Variants in ZSWIM9 observed in about 807,000 individuals in gnomAD.
ZSWIM9 encodes uncharacterized protein ZSWIM9.
Under a neutral mutation model 25.0 loss-of-function variants are expected in ZSWIM9, and 11 were observed. That is an observed-to-expected ratio of 0.44 (90% CI 0.28 to 0.73). ZSWIM9 has a LOEUF of 0.73. Among genes scored for constraint, ZSWIM9 ranks in the 30% least tolerant of loss-of-function variants. The probability of loss-of-function intolerance (pLI) is 0.16; values close to 1 mark genes in which losing one functional copy is unlikely to be tolerated. For missense variants in ZSWIM9, 1,070 were observed against 1,296.5 expected (o/e 0.83, Z 2.68); for synonymous variants, 562 against 582.1 (o/e 0.97, Z 0.50).
In ZSWIM9 at chr19:48,197,530, G is replaced by A. The variant is rs532631072; in HGVS notation, c.*703G>A. The A allele has an allele frequency of 5.9e-5, 30 of 510,534 alleles. No homozygotes were observed. The highest frequency in any genetic ancestry group is 2.3e-4 in the Admixed American group (7 of 30,208). 31.6% of individuals were successfully genotyped at this position (510,534 alleles called of 1,614,324 possible). On this transcript the variant is annotated 3_prime_UTR_variant, in exon 4 of 4. Coordinates refer to ENST00000614654, the MANE Select transcript of ZSWIM9 (RefSeq NM_199341.4). Reference sequence around the variant, plus strand: ...CGCCTTCTGAAGAGAGAGGGAGGGCGGGCACTGGGGGTCAGGAGAGTCTCC... The same window carrying A: ...CGCCTTCTGAAGAGAGAGGGAGGGCAGGCACTGGGGGTCAGGAGAGTCTCC...
rs1053042624 is a variant in ZSWIM9 at position 48,197,496 on chromosome 19, G to A, written c.*669G>A. On this transcript the variant is annotated 3_prime_UTR_variant, in exon 4 of 4. Coordinates refer to ENST00000614654, the MANE Select transcript of ZSWIM9 (RefSeq NM_199341.4). ...TTTTTCTCCAAGACCTGGAGACATC[G>A]ACCCCCATCGCCTTCTGAAGAGAGA... 1.8e-4 allele frequency: 101 copies of A among 565,216 alleles called. 2 individuals are homozygous for A. The East Asian group carries it at 2.5e-3, about 14-fold the overall frequency. 35.0% of individuals were successfully genotyped at this position (565,216 alleles called of 1,614,324 possible). A position where few individuals can be genotyped will look rare whatever the true frequency, so the allele number is the denominator to read the frequency against.
At position 48,195,779 on chromosome 19, in the gene ZSWIM9, T is replaced by A; in HGVS notation, c.1715T>A (p.Leu572Gln). The change falls in exon 4 of 4, where the codon CTG becomes CAG. Residue 572 changes from leucine to glutamine, a missense_variant. By Grantham distance (113) the Leu-to-Gln change is moderately radical. This residue lies in a region of ZSWIM9 where 583 missense variants were observed against 624.7 expected (regional missense o/e 0.93). Coordinates refer to ENST00000614654, the MANE Select transcript of ZSWIM9 (RefSeq NM_199341.4). This position sits in a 1 kb window ranked among gnomAD's most constrained non-coding sequence, Gnocchi z 5.8. ...TTGGAGGGTGAGAAAGATTGGGGACTGGAAGGTTATGTCTGGAGGGGGTCC... is the reference window on the plus strand; with the variant it reads ...TTGGAGGGTGAGAAAGATTGGGGACAGGAAGGTTATGTCTGGAGGGGGTCC... ...PQLEGEKDWGLEGYVWRGSQL... is the reference protein window; with the variant it reads ...PQLEGEKDWGQEGYVWRGSQL... 6.7e-7 allele frequency: 1 copy of A among 1,498,230 alleles called. No homozygotes were observed. Among genetic ancestry groups the A allele is most frequent in the Non-Finnish European group, 8.8e-7 (1 of 1,129,978 alleles). 92.8% of individuals were successfully genotyped at this position (1,498,230 alleles called of 1,614,324 possible). A position where few individuals can be genotyped will look rare whatever the true frequency, so the allele number is the denominator to read the frequency against.
In ZSWIM9 at chr19:48,196,717, G is replaced by A. The variant is rs2037171596; in HGVS notation, c.2653G>A (p.Ala885Thr). The A allele has an allele frequency of 4.9e-6, 6 of 1,232,834 alleles. No individual in the cohort carries two copies. The highest frequency in any genetic ancestry group is 3.0e-6 in the Non-Finnish European group (3 of 988,642). The allele number at this position is 1,232,834 out of a possible 1,614,324, so 76.4% of individuals were successfully genotyped here. The change falls in exon 4 of 4, where the codon GCC becomes ACC. Residue 885 changes from alanine to threonine, a missense_variant. Transcript: ENST00000614654. ...ACGCTGCAGCTGCTCAATTCACGCC[G>A]CCCGCCGTCTGCCCTGCAGACACCT... is the stretch of plus-strand genomic sequence containing the variant. ...LTRCSCSIHA[A>T]RRLPCRHLFA... is the part of the protein sequence containing the mutation.
At chr19:48,187,574 T>TAATATA (rs1255665030) in intron 3 of ZSWIM9, 3 of 59,948 alleles carry the variant, frequency 5.0e-5, no homozygotes, top group East Asian at 6.7e-4. Flanking sequence ...TAATATTATA[T>TAATATA]ATATTATATA....
At position 48,197,593 on chromosome 19, in the gene ZSWIM9, G is replaced by A. The variant is rs546357317; in HGVS notation, c.*766G>A. ...GAATTGTTTGGACTATTGTTCTTCA[G>A]GATTGGAATAAAACAATCTTATTTT... On this transcript the variant is annotated 3_prime_UTR_variant, in exon 4 of 4. Coordinates refer to ENST00000614654, the MANE Select transcript of ZSWIM9 (RefSeq NM_199341.4). 2.9e-6 allele frequency: 1 copy of A among 344,896 alleles called. No homozygotes were observed. Among genetic ancestry groups the A allele is most frequent in the East Asian group, 5.4e-5 (1 of 18,510 alleles). The allele number at this position is 344,896 out of a possible 1,614,324, so 21.4% of individuals were successfully genotyped here. A position where few individuals can be genotyped will look rare whatever the true frequency, so the allele number is the denominator to read the frequency against.
intron 1 of ZSWIM9, chr19:48,171,374 G>A (rs1269371559): frequency 1.0e-6 from 1 of 985,286 alleles, no homozygotes; most frequent in Non-Finnish European, 1.2e-6. Flanking sequence ...AGATGAATAC[G>A]AGAGTTAGAA....
Position 48,182,177 on chromosome 19 carries a change from T to C in ZSWIM9, c.276-278T>C, listed in dbSNP as rs908740969. 2 of 460,934 alleles carry C rather than the reference T, an allele frequency of 4.3e-6. No individual in the cohort carries two copies. Among genetic ancestry groups the C allele is most frequent in the Non-Finnish European group, 7.7e-6 (2 of 261,272 alleles). The allele number at this position is 460,934 out of a possible 1,614,324, so 28.6% of individuals were successfully genotyped here. Reference sequence around the variant, plus strand: ...TTACTGCTTGCCATATTCCAGACACTGTGTAGGTGCTTTACCTATATTAAC... The same window carrying C: ...TTACTGCTTGCCATATTCCAGACACCGTGTAGGTGCTTTACCTATATTAAC... On this transcript the variant is annotated intron_variant, in intron 2 of 3. Coordinates refer to ENST00000614654, the MANE Select transcript of ZSWIM9 (RefSeq NM_199341.4). This position sits in a 1 kb window ranked among gnomAD's most constrained non-coding sequence, Gnocchi z 4.6.
At chr19:48,187,985 T>TAGATAGATAGATAGATAGATAGAC (rs1555787428) in intron 3 of ZSWIM9, among the ~76,000 whole-genome samples, 9 of 146,272 alleles carry the variant, frequency 6.2e-5, no homozygotes, top group African/African-American at 2.3e-4. Context: ...GATAGATAGA[T>TAGATAGATAGATAGATAGATAGAC]AGACAGACAG....
intron 3 of ZSWIM9, among the ~76,000 whole-genome samples, chr19:48,192,449 C>CAAAAAA (rs57895777): frequency 1.1e-4 from 1 of 9,222 alleles, no homozygotes; most frequent in Non-Finnish European, 1.9e-4. Flanking sequence ...GACTCTGTCT[C>CAAAAAA]AAAAAAAAAA....
In ZSWIM9 at chr19:48,171,708, G is replaced by A. The variant is rs1483169198; in HGVS notation, c.-9-86G>A. Reference sequence around the variant, plus strand: ...CACCTCGATAGAGGCACCAGCAACCGACGGGGCAGGCCAAGAATGGAGTAG... The same window carrying A: ...CACCTCGATAGAGGCACCAGCAACCAACGGGGCAGGCCAAGAATGGAGTAG... On this transcript the variant is annotated intron_variant, in intron 1 of 3. Coordinates refer to ENST00000614654, the MANE Select transcript of ZSWIM9 (RefSeq NM_199341.4). 3.7e-6 allele frequency: 5 copies of A among 1,342,286 alleles called. No homozygotes were observed. In the East Asian group the frequency reaches 7.6e-5, roughly 20 times the overall value. The allele number at this position is 1,342,286 out of a possible 1,614,324, so 83.1% of individuals were successfully genotyped here. A position where few individuals can be genotyped will look rare whatever the true frequency, so the allele number is the denominator to read the frequency against.
intron 3 of ZSWIM9, chr19:48,183,038 C>A (rs1009752805): frequency 1.1e-5 from 5 of 458,336 alleles, no homozygotes; most frequent in East Asian, 3.9e-5. Context: ...TGATTCTGCA[C>A]CCCCAGCCAC....
chr19:48,180,825 T>C (rs1289358287), intron 2 of ZSWIM9: 1 of 149,856 alleles, frequency 6.7e-6, no homozygotes, highest in Non-Finnish European at 1.5e-5. Flanking sequence ...TAGTGCGATC[T>C]CGGCTCACTG....
intron 3 of ZSWIM9, among the ~76,000 whole-genome samples, chr19:48,192,782 T>C (rs1261229891): frequency 1.3e-5 from 2 of 151,800 alleles, no homozygotes; most frequent in Non-Finnish European, 2.9e-5. Context: ...AAGGCTACAG[T>C]TTATTACAGC....
intron 3 of ZSWIM9, among the ~76,000 whole-genome samples, chr19:48,184,085 C>G (rs1277650726): frequency 6.6e-6 from 1 of 151,850 alleles, no homozygotes; most frequent in Non-Finnish European, 1.5e-5. Flanking sequence ...AGGAAGAGTG[C>G]TATGTCCTGT....
intron 2 of ZSWIM9, among the ~76,000 whole-genome samples, chr19:48,175,238 A>G (rs944122785): frequency 6.6e-6 from 1 of 152,204 alleles, no homozygotes; most frequent in Non-Finnish European, 1.5e-5. Flanking sequence ...AGACAGGACT[A>G]TGGAGGGGGC....
chr19:48,182,781 A>G lies in ZSWIM9; in HGVS notation c.588+14A>G. 1 of 1,514,286 alleles carries G rather than the reference A, an allele frequency of 6.6e-7. No homozygotes were observed. The highest frequency in any genetic ancestry group is 8.8e-7 in the Non-Finnish European group (1 of 1,131,776). 93.8% of individuals were successfully genotyped at this position (1,514,286 alleles called of 1,614,324 possible). On this transcript the variant is annotated intron_variant, in intron 3 of 3. Coordinates refer to ENST00000614654, the MANE Select transcript of ZSWIM9 (RefSeq NM_199341.4). This position sits in a 1 kb window ranked among gnomAD's most constrained non-coding sequence, Gnocchi z 4.6. The stretch of plus-strand genomic sequence containing the variant: ...CCCGAGGCCAAGGTGGGGTCTCGAG[A>G]GAGGCAGGCCGGGGGAGGGGGCGGG...
At chr19:48,173,185 A>G (rs991331136) in intron 2 of ZSWIM9, among the ~76,000 whole-genome samples, 1 of 152,226 alleles carries the variant, frequency 6.6e-6, no homozygotes, top group African/African-American at 2.4e-5. Flanking sequence ...TAAAAGAACA[A>G]GCTCACAGGT....
chr19:48,172,986 G>A (rs1454403675), intron 2 of ZSWIM9, among the ~76,000 whole-genome samples: 1 of 152,142 alleles, frequency 6.6e-6, no homozygotes, highest in Admixed American at 6.5e-5. Context: ...CAAAGACTGG[G>A]AGACAGAGAC....
intron 3 of ZSWIM9, among the ~76,000 whole-genome samples, chr19:48,189,017 C>T (rs568017866): frequency 2.6e-5 from 4 of 151,444 alleles, no homozygotes; most frequent in South Asian, 4.2e-4. Flanking sequence ...GGTGACAGAG[C>T]GAGACTCCAT....
Sources: allele counts gnomAD v4.1 joint callset (sites outside exome capture counted in the v4.1 genomes callset), GRCh38; gene constraint gnomAD v4.1.1; regional missense constraint gnomAD v4.1.1; non-coding constraint Gnocchi (gnomAD v3.1); transcripts MANE v1.5; gene names NCBI Gene and HGNC (gene_info 2026-07-23, HGNC 2026-07-21).